EP300: variants seen among roughly 807,000 people sequenced by gnomAD.
The protein encoded by EP300 is EP300 lysine acetyltransferase.
In EP300, 31 loss-of-function variants were observed where a neutral mutation model predicts 264.0. The ratio of observed to expected loss-of-function variants is 0.12; its 90% CI spans 0.09 to 0.16. The LOEUF is 0.16. Among genes scored for constraint, EP300 ranks in the 10% least tolerant of loss-of-function variants. The probability of loss-of-function intolerance (pLI) is 1.00; values close to 1 mark genes in which losing one functional copy is unlikely to be tolerated. For synonymous variants in EP300, 1,340 were observed against 1,045.4 expected, an observed-to-expected ratio of 1.28 and a Z score of -5.44; for missense variants, 2,766 against 3,052.9, an observed-to-expected ratio of 0.91 and a Z score of 2.21.
chr22:41,152,883 G>A (rs561759647), intron 16 of EP300, among the ~76,000 whole-genome samples: 5 of 152,084 alleles, frequency 3.3e-5, no homozygotes, highest in South Asian at 4.1e-4. Context: ...TCAGCCTCCC[G>A]AGTATCTGGG....
chr22:41,114,615 T>C (rs930625562), intron 1 of EP300, among the ~76,000 whole-genome samples: 3 of 152,106 alleles, frequency 2.0e-5, no homozygotes, highest in East Asian at 3.8e-4. Context: ...CACATGTTGG[T>C]TTAGTTAATA....
rs1361207000 is a variant in EP300, at chr22:41,177,401, C to T, written c.5690C>T (p.Ser1897Phe). The T allele has an allele frequency of 6.2e-7, 1 of 1,614,008 alleles. No individual in the cohort carries two copies. Among genetic ancestry groups the T allele is most frequent in the African/African-American group, 1.3e-5 (1 of 74,890 alleles). Reference sequence around the variant, plus strand: ...AGGACTCAAGCTGCTGGCCCTGTGTCCCAGGGTAAGGCAGCAGGCCAGGTG... The same window carrying T: ...AGGACTCAAGCTGCTGGCCCTGTGTTCCAGGGTAAGGCAGCAGGCCAGGTG... ...LPRTQAAGPV[S>F]QGKAAGQVTP... Residue 1897 changes from serine (S) to phenylalanine (F), a missense_variant, in exon 31 of 31, where the codon TCC (serine) becomes TTC (phenylalanine). Coordinates refer to ENST00000263253, the MANE Select transcript of EP300 (RefSeq NM_001429.4).
chr22:41,139,047 G>A (rs965722424), intron 8 of EP300, among the ~76,000 whole-genome samples: 1 of 151,988 alleles, frequency 6.6e-6, no homozygotes, highest in East Asian at 1.9e-4. Flanking sequence ...CCCGTCTCCT[G>A]GGTTCAAGCG....
In EP300 at chr22:41,179,199, G is replaced by A. The variant is rs1601643160; in HGVS notation, c.*243G>A. The A allele has an allele frequency of 5.4e-6, 3 of 552,872 alleles. No individual in the cohort carries two copies. In the Admixed American group the frequency reaches 9.5e-5, roughly 17 times the overall value. The allele number at this position is 552,872 out of a possible 1,614,324, so 34.2% of individuals were successfully genotyped here. ...ACCACCAGCCTTTCTTCCCCTTTGT[G>A]TGTGTGGTTCAAGTGTGCACTGGGA... On this transcript the variant is annotated 3_prime_UTR_variant, in exon 31 of 31. Coordinates refer to ENST00000263253, the MANE Select transcript of EP300 (RefSeq NM_001429.4).
chr22:41,128,448 C>T (rs1360527669), intron 4 of EP300, among the ~76,000 whole-genome samples: 4 of 151,406 alleles, frequency 2.6e-5, no homozygotes, highest in Admixed American at 2.6e-4. Context: ...ACGATAGAAC[C>T]AAACCCTGTT....
chr22:41,109,327 A>G (rs2058776009), intron 1 of EP300, among the ~76,000 whole-genome samples: 2 of 152,168 alleles, frequency 1.3e-5, no homozygotes, highest in African/African-American at 4.8e-5. Context: ...GCTTCAGTAA[A>G]TGAAAACCCT....
At chr22:41,130,558 A>C (rs1017103726) in intron 5 of EP300, among the ~76,000 whole-genome samples, 5 of 152,048 alleles carry the variant, frequency 3.3e-5, no homozygotes, top group African/African-American at 9.7e-5. Context: ...CAAAACAAAA[A>C]AAACAACTGA....
rs372046370 is a variant in EP300 at position 41,176,417 on chromosome 22, C to G, written c.4950C>G (p.Ser1650=). The part of the protein sequence containing the change: ...EFSSLRRAQW[S]TMCMLVELHT... The stretch of plus-strand genomic sequence containing the variant: ...CTTCACTCCGAAGAGCCCAGTGGTC[C>G]ACCATGTGCATGCTGGTGGAGCTGC... The change falls in exon 30 of 31, where the codon TCC becomes TCG. Residue 1650 remains serine (S), a synonymous_variant. Coordinates refer to ENST00000263253, the MANE Select transcript of EP300 (RefSeq NM_001429.4). 3 of 1,614,206 alleles carry G rather than the reference C, an allele frequency of 1.9e-6. No homozygotes were observed. Among genetic ancestry groups the G allele is most frequent in the Non-Finnish European group, 2.5e-6 (3 of 1,180,050 alleles).
At position 41,123,648 on chromosome 22, in the gene EP300, A is replaced by G. The variant is rs988285871; in HGVS notation, c.730-2216A>G. ...TGAATCCTTTAATTGGGCAGTAGCT[A>G]TAGTATCTTGAGTTATTCTGAGTGT... On this transcript the variant is annotated intron_variant, in intron 2 of 30. Coordinates refer to ENST00000263253, the MANE Select transcript of EP300 (RefSeq NM_001429.4). 3.9e-5 allele frequency among the ~76,000 whole-genome samples: 6 copies of G among 152,210 alleles called. 1 individual carries two copies. Among genetic ancestry groups the G allele is most frequent in the Admixed American group, 3.3e-4 (5 of 15,276 alleles).
rs753059861 is a variant in EP300 at position 41,178,608 on chromosome 22, C to T, written c.6897C>T (p.Ile2299=). ...AQSPHLQGQQ[I]PNSLSNQVRS... is the part of the protein sequence containing the mutation. ...CCCCACACCTACAAGGCCAGCAGAT[C>T]CCTAATTCTCTCTCCAATCAAGTGC... Residue 2299 remains isoleucine (I), a synonymous_variant, in exon 31 of 31, where the codon ATC becomes ATT. Transcript: ENST00000263253. The T allele has an allele frequency of 1.2e-6, 2 of 1,614,064 alleles. No homozygotes were observed. Among genetic ancestry groups the T allele is most frequent in the South Asian group, 1.1e-5 (1 of 91,062 alleles).
Position 41,126,014 on chromosome 22 carries a change from G to C in EP300, c.880G>C (p.Val294Leu), listed in dbSNP as rs751473003. 1.2e-6 allele frequency: 2 copies of C among 1,614,156 alleles called. No homozygotes were observed. The highest frequency in any genetic ancestry group is 3.3e-5 in the Admixed American group (2 of 60,022). Residue 294 changes from valine (V) to leucine (L), a missense_variant, in exon 3 of 31, where the codon GTT (valine) becomes CTT (leucine). Coordinates refer to ENST00000263253, the MANE Select transcript of EP300 (RefSeq NM_001429.4). ...TCCATTTGCTATGGACAAAAAGGCA[G>C]TTCCTGGTGGAGGAATGCCCAACAT... ...LSPFAMDKKA[V>L]PGGGMPNMGQ... is the part of the protein sequence containing the mutation.
At chr22:41,159,065 A>G (rs559950059) in intron 19 of EP300, 2 of 154,402 alleles carry the variant, frequency 1.3e-5, no homozygotes, top group East Asian at 3.8e-4. Flanking sequence ...AGTCTAATAA[A>G]CGAGGCACCT....
At chr22:41,139,252 G>A (rs931357228) in intron 8 of EP300, among the ~76,000 whole-genome samples, 1 of 152,184 alleles carries the variant, frequency 6.6e-6, no homozygotes, top group South Asian at 2.1e-4. Flanking sequence ...ACTGTGTCCA[G>A]CCAGGAATTC....
At chr22:41,118,105 T>C (rs1033721170) in intron 2 of EP300, among the ~76,000 whole-genome samples, 1 of 152,358 alleles carries the variant, frequency 6.6e-6, no homozygotes, top group South Asian at 2.1e-4. Context: ...TTTAGCCTTG[T>C]AGCCTCCTTA....
intron 1 of EP300, among the ~76,000 whole-genome samples, chr22:41,113,893 T>C (rs568494859): frequency 6.6e-6 from 1 of 152,184 alleles, no homozygotes; most frequent in Non-Finnish European, 1.5e-5. Context: ...TGAAATATAT[T>C]TTTTATTACT....
intron 13 of EP300, 77 bp from the exon 14 acceptor site, chr22:41,149,684 T>G: frequency 6.9e-7 from 1 of 1,454,336 alleles, no homozygotes. Flanking sequence ...TGTCCTAAAT[T>G]TATATATCAT....
At position 41,164,123 on chromosome 22, in the gene EP300, C is replaced by G; in HGVS notation, c.3799C>G (p.Pro1267Ala). 1 of 1,613,910 alleles carries G rather than the reference C, an allele frequency of 6.2e-7. No homozygotes were observed. Among genetic ancestry groups the G allele is most frequent in the Non-Finnish European group, 8.5e-7 (1 of 1,179,860 alleles). ...ICVLHHEIIW[P>A]AGFVCDGCLK... ...TGTCCTTCACCATGAGATCATCTGG[C>G]CTGCTGGGTAAGTCTTAACGTTGTT... is the stretch of plus-strand genomic sequence containing the variant. Residue 1267 changes from proline to alanine, a missense_variant, in exon 22 of 31, where the codon CCT (proline) becomes GCT (alanine). Pro to Ala is a conservative substitution (Grantham distance 27, BLOSUM62 -1). Coordinates refer to ENST00000263253, the MANE Select transcript of EP300 (RefSeq NM_001429.4).
At chr22:41,105,853 G>A (rs945511963) in intron 1 of EP300, among the ~76,000 whole-genome samples, 1 of 152,134 alleles carries the variant, frequency 6.6e-6, no homozygotes, top group Admixed American at 6.5e-5. Flanking sequence ...AAATTCAACA[G>A]CTGTCAGCAT....
At chr22:41,110,925 A>G (rs1007065988) in intron 1 of EP300, among the ~76,000 whole-genome samples, 3 of 144,018 alleles carry the variant, frequency 2.1e-5, no homozygotes, top group African/African-American at 7.7e-5. Context: ...CACCTGTTTT[A>G]TATACATTGT....
Sources: gnomAD v4.1 joint callset for allele counts (sites outside exome capture counted in the v4.1 genomes callset) on GRCh38, gnomAD v4.1.1 for gene constraint, MANE v1.5 for transcripts, NCBI Gene and HGNC (gene_info 2026-07-23, HGNC 2026-07-21) for gene names.